LVRN: variants seen among roughly 807,000 people sequenced by gnomAD.
LVRN encodes the protein aminopeptidase Q.
LVRN carries 99 observed loss-of-function variants against 111.4 expected under a neutral mutation model. That is an observed-to-expected ratio of 0.89 (90% CI 0.76 to 1.05). The LOEUF is 1.05. Ranked by LOEUF, LVRN falls within the 50% of genes least tolerant of loss-of-function variation. The pLI, the probability that LVRN is intolerant of heterozygous loss-of-function variation, is 0.00. For synonymous variants in LVRN, 488 were observed against 449.5 expected (o/e 1.09, Z -1.08); for missense variants, 1,414 against 1,206.8 (o/e 1.17, Z -2.54).
rs1302185263 is a variant in LVRN at position 115,993,810 on chromosome 5, T to G, written c.1330T>G (p.Phe444Val). 6 of 1,610,320 alleles carry G rather than the reference T, an allele frequency of 3.7e-6. No individual in the cohort carries two copies. Among genetic ancestry groups the G allele is most frequent in the Non-Finnish European group, 5.1e-6 (6 of 1,178,720 alleles). Residue 444 changes from phenylalanine (F) to valine (V), a missense_variant, in exon 6 of 20, where the codon TTT becomes GTT. Transcript: ENST00000357872. ...GCTCAACGAGGGTTTTGCATCTTAT[T>G]TTGAGTTTGAAGTAATTAACTACTT... ...IWLNEGFASYFEFEVINYFNP... is the reference protein window; with the variant it reads ...IWLNEGFASYVEFEVINYFNP...
rs1420451067 is a variant in LVRN, at chr5:116,027,496, A to AAACGAAAG, written c.*1379_*1386dup. The AAACGAAAG allele has an allele frequency of 6.6e-6, 1 of 152,238 alleles. No homozygotes were observed. The highest frequency in any genetic ancestry group is 1.5e-5 in the Non-Finnish European group (1 of 68,042). 9.4% of individuals were successfully genotyped at this position (152,238 alleles called of 1,614,324 possible). A position where few individuals can be genotyped will look rare whatever the true frequency, so the allele number is the denominator to read the frequency against. On this transcript the variant is annotated 3_prime_UTR_variant, in exon 20 of 20. Coordinates refer to ENST00000357872, the MANE Select transcript of LVRN (RefSeq NM_173800.5). The stretch of plus-strand genomic sequence containing the variant: ...GGCTGTGGGACTTCACCACGTGGAC[A>AAACGAAAG]AACGAAAGCACAGGCTACTCAGACT...
chr5:115,962,820 C>G lies in LVRN; in HGVS notation c.203C>G (p.Pro68Arg). Reference protein sequence around the residue: ...SSPPLRQKPTPTPKPSSAREL... With the variant: ...SSPPLRQKPTRTPKPSSAREL... ...CCTCCCCTCAGGCAGAAGCCGACGC[C>G]AACCCCGAAACCCAGCAGTGCACGC... Residue 68 changes from proline to arginine, a missense_variant, in exon 1 of 20, where the codon CCA becomes CGA. Pro to Arg is a moderately radical substitution (Grantham distance 103). Transcript: ENST00000357872. 1.2e-6 allele frequency: 2 copies of G among 1,612,016 alleles called. No homozygotes were observed. Among genetic ancestry groups the G allele is most frequent in the African/African-American group, 1.3e-5 (1 of 74,958 alleles).
intron 5 of LVRN, among the ~76,000 whole-genome samples, chr5:115,993,197 A>G (rs866042512): frequency 1.0e-5 from 1 of 97,226 alleles, no homozygotes; most frequent in Middle Eastern, 4.9e-3. Context: ...TCCATTTGAC[A>G]CTGTTTTTTT....
chr5:115,970,832 G>C (rs1006118501), intron 1 of LVRN, among the ~76,000 whole-genome samples: 4 of 152,182 alleles, frequency 2.6e-5, no homozygotes, highest in African/African-American at 9.7e-5. Flanking sequence ...AAGCTTCCAG[G>C]AATACTCATA....
At chr5:116,005,060 T>C (rs147139395) in intron 12 of LVRN, among the ~76,000 whole-genome samples, 2 of 152,328 alleles carry the variant, frequency 1.3e-5, no homozygotes, top group East Asian at 3.8e-4. Context: ...GATTTACTTA[T>C]TGAAAAACAG....
rs759176336 is a variant in LVRN at position 116,015,348 on chromosome 5, A to G, written c.2547A>G (p.Thr849=). ...WDILLNTYTN[T]TNKEEKIQLA... ...TCTTGTTAAATACTTACACTAATACAACAAACAAAGAAGAAAAGATTCAAC... is the reference window on the plus strand; with the variant it reads ...TCTTGTTAAATACTTACACTAATACGACAAACAAAGAAGAAAAGATTCAAC... Residue 849 remains threonine (T), a synonymous_variant, in exon 17 of 20, where the codon ACA becomes ACG. Transcript: ENST00000357872. 6.2e-7 allele frequency: 1 copy of G among 1,611,814 alleles called. No individual in the cohort carries two copies. The highest frequency in any genetic ancestry group is 2.2e-5 in the East Asian group (1 of 44,784).
At chr5:115,984,132 C>A (rs1263084198) in intron 2 of LVRN, among the ~76,000 whole-genome samples, 2 of 152,144 alleles carry the variant, frequency 1.3e-5, no homozygotes, top group Non-Finnish European at 2.9e-5. Flanking sequence ...TTTGTGATTT[C>A]AGCTTTAAAG....
In LVRN at chr5:115,993,742, G is replaced by T. The variant is rs1246582181; in HGVS notation, c.1262G>T (p.Trp421Leu). 2 of 1,590,552 alleles carry T rather than the reference G, an allele frequency of 1.3e-6. No individual in the cohort carries two copies. The highest frequency in any genetic ancestry group is 3.6e-5 in the Admixed American group (2 of 56,296). The change falls in exon 6 of 20, where the codon TGG (tryptophan) becomes TTG (leucine). Residue 421 changes from tryptophan (W) to leucine (L), a missense_variant and splice_region_variant. Physicochemically the swap from Trp to Leu is moderately conservative, Grantham distance 61 (BLOSUM62 -2). Coordinates refer to ENST00000357872, the MANE Select transcript of LVRN (RefSeq NM_173800.5). ...YVVSHEIGHQWFGNLVTMNWW... is the reference protein window; with the variant it reads ...YVVSHEIGHQLFGNLVTMNWW... ...TTTTTTTCTTCTCATTTCCAAAAGT[G>T]GTTTGGAAACTTGGTTACCATGAAT...
intron 13 of LVRN, among the ~76,000 whole-genome samples, chr5:116,006,323 A>C (rs1327224998): frequency 6.6e-6 from 1 of 152,188 alleles, no homozygotes; most frequent in Non-Finnish European, 1.5e-5. Flanking sequence ...ATAAATGTTC[A>C]GAATTTAAAT....
chr5:115,999,809 T>G lies in LVRN; in HGVS notation c.1422T>G (p.Asp474Glu). 2 of 1,613,464 alleles carry G rather than the reference T, an allele frequency of 1.2e-6. No individual in the cohort carries two copies. Residue 474 changes from aspartate (D) to glutamate (E), a missense_variant, in exon 7 of 20, where the codon GAT (aspartate) becomes GAG (glutamate). Asp to Glu is a conservative substitution (Grantham distance 45). Transcript: ENST00000357872. ...TTTTACATAATATCCTCAGAGAAGA[T>G]CACGCCCTGGTGACTAGAGCTGTGG... is the stretch of plus-strand genomic sequence containing the variant. ...SNILHNILRE[D>E]HALVTRAVAM...
At position 116,015,354 on chromosome 5, in the gene LVRN, C is replaced by T. The variant is rs1442151543; in HGVS notation, c.2553C>T (p.Asn851=). 1.2e-6 allele frequency: 2 copies of T among 1,611,438 alleles called. No homozygotes were observed. Among genetic ancestry groups the T allele is most frequent in the Non-Finnish European group, 1.7e-6 (2 of 1,179,134 alleles). The part of the protein sequence containing the change: ...ILLNTYTNTT[N]KEEKIQLAYA... ...TAAATACTTACACTAATACAACAAA[C>T]AAAGAAGAAAAGATTCAACTTGCTT... The change falls in exon 17 of 20, where the codon AAC becomes AAT. Residue 851 remains asparagine (N), a synonymous_variant. Transcript: ENST00000357872.
intron 11 of LVRN, 106 bp from the exon 12 acceptor site, chr5:116,003,133 ATT>A: frequency 9.0e-7 from 1 of 1,113,334 alleles, no homozygotes; most frequent in South Asian, 1.6e-5. Flanking sequence ...AATTCCTTTA[ATT>A]TTTTGTTTTG....
intron 3 of LVRN, among the ~76,000 whole-genome samples, chr5:115,987,092 A>C (rs954281183): frequency 6.6e-6 from 1 of 152,180 alleles, no homozygotes; most frequent in African/African-American, 2.4e-5. Context: ...ATGTTAAAAC[A>C]ATAGGATATT....
intron 1 of LVRN, among the ~76,000 whole-genome samples, chr5:115,966,235 T>A (rs896585894): frequency 2.9e-4 from 44 of 152,318 alleles, no homozygotes; most frequent in Non-Finnish European, 5.9e-4. Context: ...CTCCTAATCA[T>A]CTCTAACCCC....
intron 15 of LVRN, 63 bp from the exon 16 acceptor site, chr5:116,014,357 G>A: frequency 9.0e-7 from 1 of 1,111,892 alleles, no homozygotes; most frequent in Admixed American, 1.9e-5. Context: ...CATATTCTTG[G>A]AGGCAGAGAA....
At chr5:116,001,006 T>G (rs1252450262) in intron 9 of LVRN, 61 bp from the exon 10 acceptor site, 1 of 1,517,014 alleles carries the variant, frequency 6.6e-7, no homozygotes, top group African/African-American at 1.4e-5. Flanking sequence ...TTTTGGAGAT[T>G]GCTACTTCAA....
rs749530311 is a variant in LVRN, at chr5:115,993,815, G to T, written c.1335G>T (p.Glu445Asp). Residue 445 changes from glutamate to aspartate, a missense_variant, in exon 6 of 20, where the codon GAG becomes GAT. By Grantham distance (45) the Glu-to-Asp change is conservative. Transcript: ENST00000357872. ...ACGAGGGTTTTGCATCTTATTTTGA[G>T]TTTGAAGTAATTAACTACTTTAATC... ...WLNEGFASYF[E>D]FEVINYFNPK... 6.2e-6 allele frequency: 10 copies of T among 1,609,162 alleles called. No individual in the cohort carries two copies. In the South Asian group the frequency reaches 1.1e-4, roughly 18 times the overall value.
intron 6 of LVRN, chr5:115,995,622 T>A (rs1187637833): frequency 6.6e-6 from 1 of 152,250 alleles, no homozygotes; most frequent in East Asian, 1.9e-4. Flanking sequence ...TCTAGTCTGA[T>A]GACAAGGATG....
intron 12 of LVRN, chr5:116,005,699 T>C (rs946757740): frequency 3.2e-6 from 2 of 620,936 alleles, no homozygotes; most frequent in Admixed American, 4.3e-5. Context: ...AACCTTATGA[T>C]TGATGTCCAG....
Sources: gnomAD v4.1 joint callset for allele counts (sites outside exome capture counted in the v4.1 genomes callset) on GRCh38, gnomAD v4.1.1 for gene constraint, MANE v1.5 for transcripts, NCBI Gene and HGNC (gene_info 2026-07-23, HGNC 2026-07-21) for gene names.